Variants in COL26A1 observed in about 807,000 individuals in gnomAD.
COL26A1 encodes collagen alpha-1(XXVI) chain.
A neutral mutation model predicts 59.3 loss-of-function variants in COL26A1; 41 were observed. The ratio of observed to expected loss-of-function variants is 0.69; its 90% CI spans 0.54 to 0.90. The LOEUF (loss-of-function observed/expected upper bound fraction) is 0.90. Ranked by LOEUF, COL26A1 falls within the 40% of genes least tolerant of loss-of-function variation. The pLI is 0.00. For missense variants in COL26A1, 612 were observed against 602.3 expected (o/e 1.02, Z -0.17); for synonymous variants, 266 against 256.0 (o/e 1.04, Z -0.37).
intron 9 of COL26A1, 31 bp downstream of exon 9, chr7:101,549,254 G>A: frequency 6.5e-7 from 1 of 1,527,442 alleles, no homozygotes; most frequent in Non-Finnish European, 9.0e-7. Context: ...GGTAGGGTGT[G>A]GGAGGCGGCG....
chr7:101,393,874 G>A (rs1791791322), intron 1 of COL26A1, among the ~76,000 whole-genome samples: 1 of 151,940 alleles, frequency 6.6e-6, no homozygotes, highest in African/African-American at 2.4e-5. Flanking sequence ...AGCTTCCTGA[G>A]TAGCTGCGAC....
intron 3 of COL26A1, among the ~76,000 whole-genome samples, chr7:101,480,811 TG>T (rs1472758057): frequency 6.6e-6 from 1 of 152,190 alleles, no homozygotes; most frequent in African/African-American, 2.4e-5. Context: ...CCTTCCCTGG[TG>T]CTTTTATTTC....
intron 1 of COL26A1, among the ~76,000 whole-genome samples, chr7:101,411,552 T>G (rs1792241608): frequency 6.7e-6 from 1 of 150,374 alleles, no homozygotes; most frequent in East Asian, 2.0e-4. Flanking sequence ...GAAGGTGGAG[T>G]CTGGGTGATT....
intron 3 of COL26A1, among the ~76,000 whole-genome samples, chr7:101,449,357 C>T (rs1030840997): frequency 1.2e-4 from 19 of 152,182 alleles, no homozygotes; most frequent in African/African-American, 3.9e-4. Context: ...GTCCCCCCAA[C>T]GGGATGGAGC....
chr7:101,390,031 T>C (rs1377105943), intron 1 of COL26A1, among the ~76,000 whole-genome samples: 39 of 152,136 alleles, frequency 2.6e-4, no homozygotes, highest in Admixed American at 2.6e-3. Context: ...TTTATTGATA[T>C]CTCTTTTTTT....
intron 3 of COL26A1, among the ~76,000 whole-genome samples, chr7:101,510,496 C>T (rs1324301791): frequency 6.6e-6 from 1 of 152,206 alleles, no homozygotes; most frequent in Non-Finnish European, 1.5e-5. Context: ...TTTTCCCTGC[C>T]TCAGGGCCTT....
At chr7:101,556,129 T>G (rs1216584616) in intron 12 of COL26A1, among the ~76,000 whole-genome samples, 5 of 152,120 alleles carry the variant, frequency 3.3e-5, no homozygotes, top group Non-Finnish European at 5.9e-5. Flanking sequence ...TTGAGGCCCC[T>G]CCCACCTCCA....
chr7:101,383,638 G>A (rs1165676218), intron 1 of COL26A1, among the ~76,000 whole-genome samples: 2 of 152,192 alleles, frequency 1.3e-5, no homozygotes, highest in East Asian at 3.9e-4. Context: ...CGGTTCAAGC[G>A]ATCCTCCTGC....
At chr7:101,475,828 TTC>T (rs1188725427) in intron 3 of COL26A1, among the ~76,000 whole-genome samples, 29 of 148,154 alleles carry the variant, frequency 2.0e-4, no homozygotes, top group Non-Finnish European at 4.2e-4. Context: ...TTCTCTCTCT[TTC>T]TCTCTCTCTC....
chr7:101,516,059 G>T (rs1795022187), intron 3 of COL26A1, among the ~76,000 whole-genome samples: 1 of 152,220 alleles, frequency 6.6e-6, no homozygotes, highest in South Asian at 2.1e-4. Context: ...TGAGGGGGAA[G>T]TAAGGAGTTG....
intron 4 of COL26A1, among the ~76,000 whole-genome samples, chr7:101,539,590 A>T (rs529098048): frequency 2.2e-4 from 34 of 152,152 alleles, no homozygotes; most frequent in African/African-American, 7.7e-4. Flanking sequence ...AGCCTCTTAA[A>T]GTGCTGGGAT....
chr7:101,539,075 G>A (rs907710175), intron 4 of COL26A1, among the ~76,000 whole-genome samples: 4 of 152,204 alleles, frequency 2.6e-5, no homozygotes, highest in African/African-American at 7.2e-5. Context: ...AAAGTCTCCC[G>A]GTCCCGGGAT....
At chr7:101,474,194 A>G (rs1793980554) in intron 3 of COL26A1, among the ~76,000 whole-genome samples, 1 of 152,164 alleles carries the variant, frequency 6.6e-6, no homozygotes. Flanking sequence ...AAGTGATTGG[A>G]TGAAGGCCAC....
At chr7:101,436,664 C>T (rs1340057085) in intron 2 of COL26A1, among the ~76,000 whole-genome samples, 1 of 152,054 alleles carries the variant, frequency 6.6e-6, no homozygotes, top group Non-Finnish European at 1.5e-5. Context: ...TCTGCTTACT[C>T]ACCTCCAGTG....
intron 3 of COL26A1, among the ~76,000 whole-genome samples, chr7:101,503,191 C>G (rs916665965): frequency 2.0e-5 from 3 of 152,184 alleles, no homozygotes; most frequent in African/African-American, 7.2e-5. Flanking sequence ...TCTGTGGGGT[C>G]CCCTCTCGCC....
chr7:101,551,345 G>A (rs1047529232), intron 10 of COL26A1, among the ~76,000 whole-genome samples: 3 of 152,198 alleles, frequency 2.0e-5, no homozygotes, highest in Non-Finnish European at 4.4e-5. Flanking sequence ...TCCAGAGAGT[G>A]CGCTGACAGT....
intron 3 of COL26A1, among the ~76,000 whole-genome samples, chr7:101,509,692 T>C (rs573066464): frequency 3.3e-5 from 5 of 152,156 alleles, no homozygotes; most frequent in Admixed American, 1.3e-4. Flanking sequence ...CCCCAGCAGC[T>C]CAGGGTTTGG....
intron 3 of COL26A1, among the ~76,000 whole-genome samples, chr7:101,490,120 T>C (rs1430063234): frequency 1.3e-5 from 2 of 151,256 alleles, no homozygotes; most frequent in East Asian, 2.0e-4. Context: ...TATTTTTCAG[T>C]AGAGATGGGG....
At chr7:101,394,231 C>T (rs1037166525) in intron 1 of COL26A1, among the ~76,000 whole-genome samples, 4 of 152,056 alleles carry the variant, frequency 2.6e-5, no homozygotes, top group Non-Finnish European at 5.9e-5. Flanking sequence ...AAGCCTCCAG[C>T]CAAGGGACAG....
Sources: gnomAD v4.1 joint callset for allele counts (sites outside exome capture counted in the v4.1 genomes callset) on GRCh38, gnomAD v4.1.1 for gene constraint, MANE v1.5 for transcripts, NCBI Gene and HGNC (gene_info 2026-07-23, HGNC 2026-07-21) for gene names.